Variants in THOP1 observed in about 807,000 individuals in gnomAD.
THOP1 encodes thimet oligopeptidase.
Under a neutral mutation model 71.8 loss-of-function variants are expected in THOP1, and 49 were observed. The observed-to-expected ratio is 0.68, with a 90% CI of 0.54 to 0.87. The LOEUF is 0.87. Ranked by LOEUF, THOP1 falls within the 40% of genes least tolerant of loss-of-function variation. The pLI is 0.00. For synonymous variants in THOP1, 426 were observed against 421.5 expected, an observed-to-expected ratio of 1.01 and a Z score of -0.13; for missense variants, 843 against 975.6, an observed-to-expected ratio of 0.86 and a Z score of 1.81.
In THOP1 at chr19:2,811,773, G is replaced by T. The variant is rs368587373; in HGVS notation, c.1908+39G>T. On this transcript the variant is annotated intron_variant, in intron 12 of 12. Coordinates refer to ENST00000307741, the MANE Select transcript of THOP1 (RefSeq NM_003249.5). ...GGGGACAGGGAGGGCGTCCTGAACG[G>T]CAAGGTACGCGGGGACTGGGGACAG... The T allele has an allele frequency of 3.2e-6, 5 of 1,580,562 alleles. No homozygotes were observed. The African/African-American group carries it at 7.3e-5, about 23-fold the overall frequency.
chr19:2,810,746 C>A lies in THOP1; in HGVS notation c.1749C>A (p.Ile583=). 6.2e-7 allele frequency: 1 copy of A among 1,601,490 alleles called. No individual in the cohort carries two copies. Among genetic ancestry groups the A allele is most frequent in the African/African-American group, 1.3e-5 (1 of 74,938 alleles). The change falls in exon 11 of 13, where the codon ATC becomes ATA. Residue 583 remains isoleucine, a synonymous_variant. Coordinates refer to ENST00000307741, the MANE Select transcript of THOP1 (RefSeq NM_003249.5). Reference sequence around the variant, plus strand: ...AGTATGCGCGGCTCTGCCAGGAGATCCTCGGGGTCCCGGCCACGCCAGGTA... The same window carrying A: ...AGTATGCGCGGCTCTGCCAGGAGATACTCGGGGTCCCGGCCACGCCAGGTA... ...AEEYARLCQE[I]LGVPATPGTN... is the part of the protein sequence containing the mutation.
intron 9 of THOP1, 163 bp from the exon 10 acceptor site, chr19:2,810,141 C>T (rs1284824054): frequency 1.1e-6 from 1 of 908,970 alleles, no homozygotes; most frequent in Non-Finnish European, 1.6e-6. Flanking sequence ...GCCCAGGGGC[C>T]TCCGGGTCCC....
intron 11 of THOP1, 148 bp downstream of exon 11, chr19:2,810,916 G>A: frequency 3.0e-6 from 4 of 1,315,544 alleles, no homozygotes; most frequent in South Asian, 3.0e-5. Flanking sequence ...GCTCCTCGGG[G>A]GACAGCCCCA....
intron 3 of THOP1, among the ~76,000 whole-genome samples, 190 bp downstream of exon 3, chr19:2,795,102 G>A (rs1409379151): frequency 6.6e-6 from 1 of 152,248 alleles, no homozygotes; most frequent in African/African-American, 2.4e-5. Context: ...GGGATGACAG[G>A]TGTGAGCCAC....
chr19:2,790,320 T>G, intron 1 of THOP1, 101 bp from the exon 2 acceptor site: 15 of 1,151,772 alleles, frequency 1.3e-5, no homozygotes, highest in South Asian at 1.6e-5. Context: ...CTCTTCTGGA[T>G]GAGAAGCGGG....
At chr19:2,786,062 G>C (rs917129442) in intron 1 of THOP1, among the ~76,000 whole-genome samples, 3 of 151,756 alleles carry the variant, frequency 2.0e-5, no homozygotes, top group Admixed American at 6.6e-5. Flanking sequence ...AGATAAACAC[G>C]AACGGGGCAG....
rs552857232 is a variant in THOP1, at chr19:2,810,404, T to C, written c.1556T>C (p.Leu519Pro). The C allele has an allele frequency of 6.2e-7, 1 of 1,609,964 alleles. No homozygotes were observed. Among genetic ancestry groups the C allele is most frequent in the African/African-American group, 1.3e-5 (1 of 74,984 alleles). ...ENWVWEQEPL[L>P]RMSRHYRTGS... is the part of the protein sequence containing the mutation. ...TGGGTGTGGGAGCAGGAGCCGCTGC[T>C]GCGGATGTCGCGGCACTACCGCACA... is the stretch of plus-strand genomic sequence containing the variant. Residue 519 changes from leucine (L) to proline (P), a missense_variant, in exon 10 of 13, where the codon CTG (leucine) becomes CCG (proline). By Grantham distance (98) the Leu-to-Pro change is moderately conservative. Coordinates refer to ENST00000307741, the MANE Select transcript of THOP1 (RefSeq NM_003249.5).
chr19:2,812,211 G>C, intron 12 of THOP1: 1 of 1,519,196 alleles, frequency 6.6e-7, no homozygotes, highest in Non-Finnish European at 8.8e-7. Context: ...TCCTCACTAT[G>C]AAGTGCGGCC....
At chr19:2,811,556 G>T in intron 11 of THOP1, 42 bp from the exon 12 acceptor site, 3 of 1,586,046 alleles carry the variant, frequency 1.9e-6, no homozygotes, top group Non-Finnish European at 2.6e-6. Context: ...AGGAGCATGG[G>T]GTGGGGGCTA....
intron 11 of THOP1, 102 bp downstream of exon 11, chr19:2,810,870 G>GGAGTCCCTGCTGGGGAGCCACGGAGC (rs1916445118): frequency 3.4e-6 from 5 of 1,472,640 alleles, no homozygotes; most frequent in African/African-American, 1.4e-5. Context: ...AGCAAGTGCA[G>GGAGTCCCTGCTGGGGAGCCACGGAGC]GAGTCCCTGC....
At chr19:2,793,759 A>G (rs551862756) in intron 2 of THOP1, among the ~76,000 whole-genome samples, 132 of 152,010 alleles carry the variant, frequency 8.7e-4, no homozygotes, top group Non-Finnish European at 1.8e-3. Context: ...ATGTGACATC[A>G]TCGGGCTGCA....
chr19:2,788,542 G>A (rs1275336415), intron 1 of THOP1, among the ~76,000 whole-genome samples: 3 of 152,164 alleles, frequency 2.0e-5, no homozygotes, highest in South Asian at 4.2e-4. Context: ...GCAGTGCTAC[G>A]ATCTCAGCTC....
intron 4 of THOP1, among the ~76,000 whole-genome samples, chr19:2,798,332 A>AT (rs964500393): frequency 6.6e-6 from 1 of 152,154 alleles, no homozygotes; most frequent in Non-Finnish European, 1.5e-5. Flanking sequence ...TACCACAGTT[A>AT]TTTTTAAAAC....
chr19:2,801,717 C>T lies in THOP1; in HGVS notation c.589+1926C>T, dbSNP rs1916147482. On this transcript the variant is annotated intron_variant, in intron 5 of 12. Transcript: ENST00000307741. This position sits in a 1 kb window ranked among gnomAD's most constrained non-coding sequence, Gnocchi z 5.1. ...GTCGAGGGGCCATATCTGGCCAGGG[C>T]CTTCTTCCTGGTGGGGACTCTGGAG... 6.6e-6 allele frequency among the ~76,000 whole-genome samples: 1 copy of T among 152,126 alleles called. No homozygotes were observed. Among genetic ancestry groups the T allele is most frequent in the South Asian group, 2.1e-4 (1 of 4,836 alleles).
At position 2,796,047 on chromosome 19, in the gene THOP1, C is replaced by T. The variant is rs376497721; in HGVS notation, c.379-34C>T. 1.1e-4 allele frequency: 165 copies of T among 1,566,504 alleles called. 1 individual carries two copies. The South Asian group carries it at 1.5e-3, about 14-fold the overall frequency. On this transcript the variant is annotated intron_variant, in intron 3 of 12. Coordinates refer to ENST00000307741, the MANE Select transcript of THOP1 (RefSeq NM_003249.5). ...TGCTCTTTGGAGCGGCTGCACTGGCCCACGTCCTACATGCTTTGATGTTTT... is the reference window on the plus strand; with the variant it reads ...TGCTCTTTGGAGCGGCTGCACTGGCTCACGTCCTACATGCTTTGATGTTTT...
intron 2 of THOP1, among the ~76,000 whole-genome samples, chr19:2,791,263 G>A (rs1250012209): frequency 2.6e-5 from 4 of 152,224 alleles, no homozygotes; most frequent in Non-Finnish European, 5.9e-5. Flanking sequence ...AAGGCTGACA[G>A]TGTACCTGCC....
intron 12 of THOP1, chr19:2,812,461 C>T (rs1469771576): frequency 1.5e-6 from 2 of 1,372,300 alleles, no homozygotes; most frequent in East Asian, 2.8e-5. Flanking sequence ...TCCGACAAGC[C>T]CCCTGTCTTC....
At chr19:2,788,842 C>T (rs1038768919) in intron 1 of THOP1, among the ~76,000 whole-genome samples, 3 of 152,102 alleles carry the variant, frequency 2.0e-5, no homozygotes, top group African/African-American at 7.2e-5. Context: ...TTCACTGCAA[C>T]CTCTGGCTCC....
At chr19:2,806,836 T>C (rs997178256) in intron 6 of THOP1, 81 bp from the exon 7 acceptor site, 2 of 1,599,676 alleles carry the variant, frequency 1.3e-6, no homozygotes, top group Middle Eastern at 1.8e-4. Flanking sequence ...TATGAGCCTT[T>C]GGCCCTGGGA....
Sources: allele counts gnomAD v4.1 joint callset (sites outside exome capture counted in the v4.1 genomes callset), GRCh38; gene constraint gnomAD v4.1.1; non-coding constraint Gnocchi (gnomAD v3.1); transcripts MANE v1.5; gene names NCBI Gene and HGNC (gene_info 2026-07-23, HGNC 2026-07-21).